Variants in ERMP1 observed in about 807,000 individuals in gnomAD.
The protein encoded by ERMP1 is Felix-ina.
ERMP1 carries 86 observed loss-of-function variants against 92.0 expected under a neutral mutation model. That is an observed-to-expected ratio of 0.93 (90% CI 0.79 to 1.12). ERMP1 has a LOEUF of 1.12. Ranked by LOEUF, ERMP1 falls within the 50% of genes most tolerant of loss-of-function variation. ERMP1 has a pLI of 0.00. For missense variants in ERMP1, 1,342 were observed against 1,116.3 expected (o/e 1.20, Z -2.88); for synonymous variants, 530 against 412.8 (o/e 1.28, Z -3.44).
At chr9:5,828,058 C>T (rs982467862) in intron 2 of ERMP1, among the ~76,000 whole-genome samples, 2 of 152,190 alleles carry the variant, frequency 1.3e-5, no homozygotes, top group African/African-American at 4.8e-5. Context: ...AATCCCAGCA[C>T]TTTGGGAGGA....
chr9:5,801,072 G>A (rs1828651655), intron 11 of ERMP1, 104 bp downstream of exon 11: 1 of 1,226,994 alleles, frequency 8.2e-7, no homozygotes, highest in Non-Finnish European at 1.1e-6. Flanking sequence ...TGACTAAATA[G>A]GTCAACAGCA....
chr9:5,799,039 T>C (rs1428104738), intron 11 of ERMP1, 31 bp from the exon 12 acceptor site: 2 of 1,532,222 alleles, frequency 1.3e-6, no homozygotes, highest in Non-Finnish European at 1.8e-6. Flanking sequence ...AAAAAACTGT[T>C]TCAACTAGTA....
intron 6 of ERMP1, among the ~76,000 whole-genome samples, chr9:5,857,934 A>G (rs1294249600): frequency 6.6e-6 from 1 of 152,238 alleles, no homozygotes; most frequent in Non-Finnish European, 1.5e-5. Flanking sequence ...AGAAGAGCTG[A>G]TAGTCAACTG....
chr9:5,841,827 C>T (rs753857816), intron 6 of ERMP1, among the ~76,000 whole-genome samples: 2 of 151,988 alleles, frequency 1.3e-5, no homozygotes, highest in African/African-American at 2.4e-5. Context: ...TGGACCCTCG[C>T]GGTGAGTGTG....
Position 5,785,161 on chromosome 9 carries a change from A to G in ERMP1, c.*1983T>C, listed in dbSNP as rs892196751. Reference sequence around the variant, plus strand: ...AAGCTTCATAATGCTAAAGAAAACCAAAACAAAAGACAATGGTTTACACAG... The same window carrying G: ...AAGCTTCATAATGCTAAAGAAAACCGAAACAAAAGACAATGGTTTACACAG... On this transcript the variant is annotated 3_prime_UTR_variant, in exon 15 of 15. Coordinates refer to ENST00000339450, the MANE Select transcript of ERMP1 (RefSeq NM_024896.3). The G allele has an allele frequency of 6.6e-6, 1 of 152,330 alleles. No individual in the cohort carries two copies. Among genetic ancestry groups the G allele is most frequent in the Middle Eastern group, 3.4e-3 (1 of 294 alleles). The allele number at this position is 152,330 out of a possible 1,614,324, so 9.4% of individuals were successfully genotyped here.
At chr9:5,847,032 C>T (rs752402251) in intron 6 of ERMP1, among the ~76,000 whole-genome samples, 1 of 152,208 alleles carries the variant, frequency 6.6e-6, no homozygotes, top group African/African-American at 2.4e-5. Flanking sequence ...TGCATCCTCT[C>T]AGCACCAATG....
intron 5 of ERMP1, among the ~76,000 whole-genome samples, chr9:5,865,829 C>T (rs1326930296): frequency 9.7e-6 from 1 of 103,510 alleles, no homozygotes; most frequent in South Asian, 3.9e-4. Flanking sequence ...CAGAGTGAGG[C>T]TCTGTCTCAA....
chr9:5,856,706 TC>T (rs1177688173), intron 6 of ERMP1, among the ~76,000 whole-genome samples: 1 of 152,150 alleles, frequency 6.6e-6, no homozygotes, highest in Non-Finnish European at 1.5e-5. Flanking sequence ...AAATACAGGG[TC>T]AGGTCTGGCG....
chr9:5,845,156 GTT>G (rs1830220499), intron 6 of ERMP1, among the ~76,000 whole-genome samples: 1 of 3,370 alleles, frequency 3.0e-4, no homozygotes, highest in African/African-American at 7.6e-4. Context: ...TTTTTTTTTT[GTT>G]GTTGTGGTGG....
chr9:5,810,296 G>C, intron 7 of ERMP1, 65 bp from the exon 8 acceptor site: 1 of 1,214,510 alleles, frequency 8.2e-7, no homozygotes, highest in African/African-American at 1.5e-5. Flanking sequence ...TAACCAGTCA[G>C]TAGAGCTAAA....
intron 5 of ERMP1, among the ~76,000 whole-genome samples, chr9:5,865,711 G>A (rs188990073): frequency 1.3e-3 from 189 of 150,116 alleles, no homozygotes; most frequent in African/African-American, 4.5e-3. Flanking sequence ...GGTGGTGCAC[G>A]CCTGTAATCC....
chr9:5,830,748 C>G lies in ERMP1; in HGVS notation c.619G>C (p.Asp207His). 1 of 1,612,614 alleles carries G rather than the reference C, an allele frequency of 6.2e-7. No individual in the cohort carries two copies. Among genetic ancestry groups the G allele is most frequent in the Non-Finnish European group, 8.5e-7 (1 of 1,179,096 alleles). Reference protein sequence around the residue: ...QHAVLANCHFDSVANSPGASD... With the variant: ...QHAVLANCHFHSVANSPGASD... ...ATACCTGGTGAGTTTGCTACTGAGTCAAAATGACAATTAGCCAAGACAGCA... is the reference window on the plus strand; with the variant it reads ...ATACCTGGTGAGTTTGCTACTGAGTGAAAATGACAATTAGCCAAGACAGCA... The change falls in exon 2 of 15, where the codon GAC (aspartate) becomes CAC (histidine). Residue 207 changes from aspartate to histidine, a missense_variant. By Grantham distance (81) the Asp-to-His change is moderately conservative. Coordinates refer to ENST00000339450, the MANE Select transcript of ERMP1 (RefSeq NM_024896.3).
intron 5 of ERMP1, among the ~76,000 whole-genome samples, chr9:5,862,006 T>C (rs1317112673): frequency 6.6e-6 from 1 of 152,032 alleles, no homozygotes; most frequent in African/African-American, 2.4e-5. Context: ...TTTTAATTTT[T>C]TTTTTAAAAA....
At chr9:5,861,496 A>T (rs1563787170) in intron 5 of ERMP1, among the ~76,000 whole-genome samples, 1 of 152,106 alleles carries the variant, frequency 6.6e-6, no homozygotes. Context: ...AATCTTGATT[A>T]AAGACCTATT....
chr9:5,802,416 GCT>G (rs1287704758), intron 10 of ERMP1, among the ~76,000 whole-genome samples: 2 of 152,044 alleles, frequency 1.3e-5, no homozygotes, highest in Non-Finnish European at 2.9e-5. Context: ...ACAGAGTCTC[GCT>G]CTGTCACCCA....
chr9:5,866,169 A>T (rs1049823812), intron 5 of ERMP1, among the ~76,000 whole-genome samples: 4 of 152,186 alleles, frequency 2.6e-5, no homozygotes, highest in Non-Finnish European at 5.9e-5. Flanking sequence ...TGGGGGGTAA[A>T]TTGCAGATGA....
chr9:5,825,897 A>C (rs1427675611), intron 2 of ERMP1, among the ~76,000 whole-genome samples: 1 of 152,230 alleles, frequency 6.6e-6, no homozygotes, highest in African/African-American at 2.4e-5. Context: ...AAGTAACTAT[A>C]AAGATGACTT....
intron 13 of ERMP1, among the ~76,000 whole-genome samples, chr9:5,788,867 AG>A (rs1828052382): frequency 6.6e-6 from 1 of 152,206 alleles, no homozygotes; most frequent in Non-Finnish European, 1.5e-5. Flanking sequence ...AAAGAAATGG[AG>A]GAAAAAGGCA....
At chr9:5,847,985 G>A (rs1392692063) in intron 6 of ERMP1, among the ~76,000 whole-genome samples, 1 of 151,550 alleles carries the variant, frequency 6.6e-6, no homozygotes, top group Non-Finnish European at 1.5e-5. Flanking sequence ...TTATTATCCT[G>A]GTTTTATCAA....
Sources: gnomAD v4.1 joint callset for allele counts (sites outside exome capture counted in the v4.1 genomes callset) on GRCh38, gnomAD v4.1.1 for gene constraint, MANE v1.5 for transcripts, NCBI Gene and HGNC (gene_info 2026-07-23, HGNC 2026-07-21) for gene names.